The following VWC2 variants were observed in gnomAD, a reference collection of about 807,000 sequenced individuals.
VWC2 encodes brorin.
VWC2 carries 14 observed loss-of-function variants against 29.8 expected under a neutral mutation model. The observed-to-expected ratio is 0.47, with a 90% CI of 0.31 to 0.74. The LOEUF is 0.74. Among genes scored for constraint, VWC2 ranks in the 30% least tolerant of loss-of-function variants. VWC2 has a pLI of 0.05. For synonymous variants in VWC2, 213 were observed against 199.0 expected (o/e 1.07, Z -0.59); for missense variants, 457 against 459.8 (o/e 0.99, Z 0.05).
At chr7:49,828,205 C>G (rs1453070539) in intron 3 of VWC2, among the ~76,000 whole-genome samples, 9 of 151,962 alleles carry the variant, frequency 5.9e-5, no homozygotes, top group Non-Finnish European at 1.0e-4. Flanking sequence ...ATTTTGGTTC[C>G]TTTTTTGGCT....
intron 3 of VWC2, among the ~76,000 whole-genome samples, chr7:49,886,874 T>C (rs1029027869): frequency 6.6e-6 from 1 of 152,242 alleles, no homozygotes; most frequent in African/African-American, 2.4e-5. Flanking sequence ...TATGTTTCAA[T>C]TGTTGGACCT....
chr7:49,818,610 C>A (rs1443095734), intron 3 of VWC2, among the ~76,000 whole-genome samples: 1 of 151,974 alleles, frequency 6.6e-6, no homozygotes, highest in Non-Finnish European at 1.5e-5. Context: ...AGAGAGTAGA[C>A]CCTGAAGCAA....
Position 49,802,723 on chromosome 7 carries a change from G to A in VWC2, c.709G>A (p.Glu237Lys), listed in dbSNP as rs1788771585. Residue 237 changes from glutamate (E) to lysine (K), a missense_variant, in exon 3 of 4, where the codon GAG becomes AAG. Glu to Lys is a moderately conservative substitution (Grantham distance 56). Transcript: ENST00000340652. Reference sequence around the variant, plus strand: ...GCTTGTGTTTCAGGTGTCTCCATGCGAGAGGTGTCGCTGTGAAGCCAACGG... The same window carrying A: ...GCTTGTGTTTCAGGTGTCTCCATGCAAGAGGTGTCGCTGTGAAGCCAACGG... ...TLEEFVVSPC[E>K]RCRCEANGEV... 1 of 1,614,212 alleles carries A rather than the reference G, an allele frequency of 6.2e-7. No individual in the cohort carries two copies. Among genetic ancestry groups the A allele is most frequent in the Non-Finnish European group, 8.5e-7 (1 of 1,180,034 alleles).
At chr7:49,799,123 C>T (rs937602216) in intron 2 of VWC2, among the ~76,000 whole-genome samples, 3 of 152,208 alleles carry the variant, frequency 2.0e-5, no homozygotes, top group African/African-American at 4.8e-5. Context: ...GGCACACCTG[C>T]TTAGTTGGGT....
chr7:49,782,772 T>G (rs1488408973), intron 2 of VWC2, among the ~76,000 whole-genome samples: 10 of 151,892 alleles, frequency 6.6e-5, no homozygotes, highest in Admixed American at 3.9e-4. Context: ...GAGAATGGCT[T>G]GAGCCCAAGA....
intron 2 of VWC2, among the ~76,000 whole-genome samples, chr7:49,792,008 G>A (rs1014373917): frequency 2.0e-5 from 3 of 152,188 alleles, no homozygotes; most frequent in Non-Finnish European, 4.4e-5. Context: ...TGGTGGAAGG[G>A]CCAAAGGGAA....
chr7:49,844,231 A>G (rs1307267591), intron 3 of VWC2, among the ~76,000 whole-genome samples: 6 of 152,216 alleles, frequency 3.9e-5, no homozygotes, highest in Non-Finnish European at 5.9e-5. Context: ...CTCTACATCA[A>G]TCCTTATGAT....
At chr7:49,850,749 A>G (rs1403955915) in intron 3 of VWC2, among the ~76,000 whole-genome samples, 1 of 152,164 alleles carries the variant, frequency 6.6e-6, no homozygotes, top group Non-Finnish European at 1.5e-5. Context: ...CTTTCCCCAA[A>G]TTACTTCACC....
intron 3 of VWC2, among the ~76,000 whole-genome samples, chr7:49,828,178 G>T (rs568865208): frequency 6.6e-6 from 1 of 152,062 alleles, no homozygotes; most frequent in Non-Finnish European, 1.5e-5. Context: ...AGTTTCATCC[G>T]TGCTGTGCCT....
chr7:49,858,916 C>CA (rs1357337872), intron 3 of VWC2, among the ~76,000 whole-genome samples: 1 of 152,242 alleles, frequency 6.6e-6, no homozygotes, highest in East Asian at 1.9e-4. Context: ...TCCACATTGA[C>CA]AAAGGTTGAA....
At chr7:49,787,534 G>T (rs187512430) in intron 2 of VWC2, among the ~76,000 whole-genome samples, 58 of 152,290 alleles carry the variant, frequency 3.8e-4, no homozygotes, top group Admixed American at 1.6e-3. Context: ...AGGGAAACAA[G>T]CCCCACCCGT....
chr7:49,882,483 A>G (rs954959424), intron 3 of VWC2, among the ~76,000 whole-genome samples: 2 of 152,198 alleles, frequency 1.3e-5, no homozygotes, highest in African/African-American at 4.8e-5. Context: ...AGGAAGGAAG[A>G]GAGACTGAGA....
chr7:49,827,180 A>T (rs1437855480), intron 3 of VWC2, among the ~76,000 whole-genome samples: 1 of 152,050 alleles, frequency 6.6e-6, no homozygotes, highest in Non-Finnish European at 1.5e-5. Flanking sequence ...AGTTGTGCTT[A>T]TGAATAGGAC....
chr7:49,847,005 T>C (rs890596907), intron 3 of VWC2, among the ~76,000 whole-genome samples: 1 of 152,220 alleles, frequency 6.6e-6, no homozygotes, highest in African/African-American at 2.4e-5. Flanking sequence ...CTGCAGAATT[T>C]AACTCTAACT....
At chr7:49,784,145 G>A (rs1430043180) in intron 2 of VWC2, among the ~76,000 whole-genome samples, 2 of 152,178 alleles carry the variant, frequency 1.3e-5, no homozygotes, top group Non-Finnish European at 2.9e-5. Flanking sequence ...GGGGTACTGT[G>A]TAATTTTATT....
chr7:49,792,576 G>A (rs1170807875), intron 2 of VWC2, among the ~76,000 whole-genome samples: 1 of 152,218 alleles, frequency 6.6e-6, no homozygotes, highest in Non-Finnish European at 1.5e-5. Context: ...TCCAGTTCTA[G>A]AGCTGCTTCT....
At chr7:49,888,138 G>A (rs901870142) in intron 3 of VWC2, among the ~76,000 whole-genome samples, 2 of 152,168 alleles carry the variant, frequency 1.3e-5, no homozygotes, top group African/African-American at 4.8e-5. Flanking sequence ...AATTGGCCTT[G>A]GTGGAAGTAG....
At chr7:49,789,020 G>T (rs111066314) in intron 2 of VWC2, among the ~76,000 whole-genome samples, 10,199 of 149,962 alleles carry the variant, frequency 0.068, 1,086 homozygotes, top group African/African-American at 0.22. Context: ...AAGTGTGTCA[G>T]TGTGAGCGTG....
chr7:49,865,369 C>G (rs927019181), intron 3 of VWC2, among the ~76,000 whole-genome samples: 6 of 152,212 alleles, frequency 3.9e-5, no homozygotes, highest in Non-Finnish European at 7.3e-5. Flanking sequence ...GTTTTCCCAG[C>G]TGAAAAATGG....
Sources: gnomAD v4.1 joint callset for allele counts (sites outside exome capture counted in the v4.1 genomes callset) on GRCh38, gnomAD v4.1.1 for gene constraint, MANE v1.5 for transcripts, NCBI Gene and HGNC (gene_info 2026-07-23, HGNC 2026-07-21) for gene names.